RAD17: variants seen among roughly 807,000 people sequenced by gnomAD.
RAD17 encodes the protein RAD17 checkpoint clamp loader component, also known as cell cycle checkpoint protein RAD17.
RAD17 carries 31 observed loss-of-function variants against 81.5 expected under a neutral mutation model. That is an observed-to-expected ratio of 0.38 (90% confidence interval 0.29 to 0.51). The LOEUF is 0.51. Ranked by LOEUF, RAD17 falls within the 20% of genes least tolerant of loss-of-function variation. The pLI, the probability that RAD17 is intolerant of heterozygous loss-of-function variation, is 0.88. For synonymous variants in RAD17, 261 were observed against 266.2 expected, an observed-to-expected ratio of 0.98 and a Z score of 0.19; for missense variants, 681 against 781.2, an observed-to-expected ratio of 0.87 and a Z score of 1.53.
chr5:69,396,590 T>C (rs1225076841), intron 16 of RAD17, 44 bp downstream of exon 16: 1 of 1,449,584 alleles, frequency 6.9e-7, no homozygotes, highest in Non-Finnish European at 9.1e-7. Context: ...TATGTGAACT[T>C]TATGGTACGT....
At chr5:69,400,606 GAT>G (rs1765206429) in intron 17 of RAD17, among the ~76,000 whole-genome samples, 1 of 138,212 alleles carries the variant, frequency 7.2e-6, no homozygotes, top group Admixed American at 8.3e-5. Context: ...TTTTGATCCA[GAT>G]AATTCTGGAT....
upstream of RAD17, chr5:69,369,777 C>T: frequency 6.9e-7 from 1 of 1,443,596 alleles, no homozygotes; most frequent in South Asian, 1.2e-5. Context: ...GGTCCCCGCC[C>T]TTCGCTTGCG....
At chr5:69,390,153 C>T (rs2150827126) in intron 12 of RAD17, among the ~76,000 whole-genome samples, 1 of 152,332 alleles carries the variant, frequency 6.6e-6, no homozygotes, top group Middle Eastern at 3.4e-3. Flanking sequence ...ATTTAGCAGA[C>T]TACTTAATGC....
chr5:69,374,139 AG>A (rs1763194199), intron 5 of RAD17, 52 bp downstream of exon 5: 3 of 1,438,470 alleles, frequency 2.1e-6, no homozygotes, highest in Non-Finnish European at 2.9e-6. Flanking sequence ...AGGGTGCATA[AG>A]GGTAGATGGG....
At chr5:69,405,616 A>C (rs571224332) in intron 17 of RAD17, among the ~76,000 whole-genome samples, 5 of 151,824 alleles carry the variant, frequency 3.3e-5, no homozygotes, top group African/African-American at 1.2e-4. Flanking sequence ...GCAGTGAGCC[A>C]CGATCACGCC....
intron 11 of RAD17, among the ~76,000 whole-genome samples, chr5:69,386,876 T>A (rs1377768830): frequency 6.6e-6 from 1 of 152,018 alleles, no homozygotes; most frequent in African/African-American, 2.4e-5. Flanking sequence ...TTTTCAAAGA[T>A]ACACTTCAGT....
At chr5:69,392,955 T>C (rs1375126558) in intron 13 of RAD17, 200 bp from the exon 14 acceptor site, 4 of 524,612 alleles carry the variant, frequency 7.6e-6, no homozygotes, top group Non-Finnish European at 1.4e-5. Flanking sequence ...AATCTAAGCA[T>C]CAGAATTGTT....
rs930620435 is a variant in RAD17, at chr5:69,392,807, A to T, written c.1190-348A>T. 9 of 461,894 alleles carry T rather than the reference A, an allele frequency of 1.9e-5. No individual in the cohort carries two copies. The East Asian group carries it at 2.0e-4, about 10-fold the overall frequency. 28.6% of individuals were successfully genotyped at this position (461,894 alleles called of 1,614,324 possible). ...CGTATTCTTTCATGTAGAGAGCAAC[A>T]TCTTCCTACATAGTAAATAAAAGAG... is the stretch of plus-strand genomic sequence containing the variant. On this transcript the variant is annotated intron_variant, in intron 13 of 18. Coordinates refer to ENST00000354868, the MANE Select transcript of RAD17 (RefSeq NM_133338.3).
chr5:69,383,913 C>T (rs1764009923), intron 7 of RAD17, among the ~76,000 whole-genome samples: 1 of 152,190 alleles, frequency 6.6e-6, no homozygotes, highest in Non-Finnish European at 1.5e-5. Flanking sequence ...GAGCTTCCCT[C>T]ATTCTCAAGT....
chr5:69,377,961 T>TA (rs574377148), intron 6 of RAD17, among the ~76,000 whole-genome samples: 21 of 151,284 alleles, frequency 1.4e-4, no homozygotes, highest in Admixed American at 1.1e-3. Flanking sequence ...TCTGGCTAAT[T>TA]AAAAAAAAAT....
At chr5:69,407,199 T>G (rs1765657698) in intron 17 of RAD17, among the ~76,000 whole-genome samples, 1 of 151,972 alleles carries the variant, frequency 6.6e-6, no homozygotes. Flanking sequence ...GATGGGGTTT[T>G]ACTATGTTGG....
chr5:69,372,238 T>G, intron 4 of RAD17, 21 bp downstream of exon 4: 1 of 1,562,084 alleles, frequency 6.4e-7, no homozygotes, highest in East Asian at 2.2e-5. Flanking sequence ...CTAAAATTTT[T>G]TCCAGTGGTC....
At chr5:69,401,127 C>A (rs929410009) in intron 17 of RAD17, among the ~76,000 whole-genome samples, 41 of 152,030 alleles carry the variant, frequency 2.7e-4, no homozygotes, top group African/African-American at 9.7e-4. Flanking sequence ...GGAGAACCTT[C>A]AACCCCGGAG....
At chr5:69,369,413 T>G, upstream of RAD17, 1 of 1,598,546 alleles carries the variant, frequency 6.3e-7, no homozygotes, top group Non-Finnish European at 8.5e-7. Flanking sequence ...CAGAGCACTC[T>G]GCGCCCCCAG....
intron 7 of RAD17, among the ~76,000 whole-genome samples, chr5:69,383,481 C>T (rs1763983102): frequency 6.6e-6 from 1 of 151,844 alleles, no homozygotes; most frequent in African/African-American, 2.4e-5. Flanking sequence ...TGGGTTCAAG[C>T]AATTCTCCTG....
intron 16 of RAD17, among the ~76,000 whole-genome samples, chr5:69,397,494 T>C (rs1045991879): frequency 6.6e-6 from 1 of 152,172 alleles, no homozygotes; most frequent in African/African-American, 2.4e-5. Flanking sequence ...CCAGGCATGG[T>C]GGCTCACACC....
Position 69,371,974 on chromosome 5 carries a change from A to G in RAD17, c.-175-60A>G, listed in dbSNP as rs996204541. 1.9e-4 allele frequency: 180 copies of G among 970,410 alleles called. 1 individual carries two copies. The Middle Eastern group carries it at 2.2e-3, about 12-fold the overall frequency. 60.1% of individuals were successfully genotyped at this position (970,410 alleles called of 1,614,324 possible). A position where few individuals can be genotyped will look rare whatever the true frequency, so the allele number is the denominator to read the frequency against. ...CTATTTCCCTAAGTGGTAGCTCTAA[A>G]TTTTCTTTGATGTTAAGTAAGTTAC... On this transcript the variant is annotated intron_variant, in intron 3 of 18. Coordinates refer to ENST00000354868, the MANE Select transcript of RAD17 (RefSeq NM_133338.3).
intron 4 of RAD17, among the ~76,000 whole-genome samples, chr5:69,373,191 C>T (rs560013588): frequency 6.6e-6 from 1 of 151,918 alleles, no homozygotes; most frequent in East Asian, 1.9e-4. Context: ...TTTTGTTTTG[C>T]TTTTTTTAAT....
In RAD17 at chr5:69,393,144, A is replaced by G; in HGVS notation, c.1190-11A>G. The G allele has an allele frequency of 1.3e-6, 2 of 1,573,502 alleles. No homozygotes were observed. Among genetic ancestry groups the G allele is most frequent in the Non-Finnish European group, 1.7e-6 (2 of 1,151,200 alleles). ...GGTATTATCTTTAATAATTCCAGAA[A>G]TTTTTTATAGGAGCATCTTTAACAG... On this transcript the variant is annotated splice_polypyrimidine_tract_variant and intron_variant, in intron 13 of 18. Coordinates refer to ENST00000354868, the MANE Select transcript of RAD17 (RefSeq NM_133338.3).
Sources: gnomAD v4.1 joint callset for allele counts (sites outside exome capture counted in the v4.1 genomes callset) on GRCh38, gnomAD v4.1.1 for gene constraint, MANE v1.5 for transcripts, NCBI Gene and HGNC (gene_info 2026-07-23, HGNC 2026-07-21) for gene names.